The following OTX2 variants were observed in gnomAD, a reference collection of about 807,000 sequenced individuals.
OTX2 encodes orthodenticle homeobox 2, also known as homeobox protein OTX2.
In OTX2, 4 loss-of-function variants were observed where a neutral mutation model predicts 29.0. The observed-to-expected ratio is 0.14, with a 90% confidence interval of 0.07 to 0.32. The LOEUF (loss-of-function observed/expected upper bound fraction) is 0.32. OTX2 is among the 10% of genes least tolerant of loss of function. OTX2 has a pLI of 1.00. For missense variants in OTX2, 298 were observed against 365.9 expected (o/e 0.81, Z 1.51); for synonymous variants, 134 against 141.0 (o/e 0.95, Z 0.35).
At chr14:56,809,512 T>A (rs1234332758) in intron 2 of OTX2, among the ~76,000 whole-genome samples, 1 of 152,152 alleles carries the variant, frequency 6.6e-6, no homozygotes, top group Admixed American at 6.5e-5. Context: ...GAGCGAGCAG[T>A]GAGCGCCGGG....
chr14:56,805,812 TAA>T (rs397957887), intron 2 of OTX2: 675 of 111,706 alleles, frequency 6.0e-3, no homozygotes, highest in South Asian at 0.02. Context: ...ACCCTAAACT[TAA>T]AAAAAAAAAA....
chr14:56,805,316 G>C, intron 3 of OTX2, 44 bp downstream of exon 3: 1 of 1,293,042 alleles, frequency 7.7e-7, no homozygotes, highest in Non-Finnish European at 1.1e-6. Flanking sequence ...CCGGAGGGTG[G>C]GCATGGGGAA....
In OTX2 at chr14:56,801,623, G is replaced by C; in HGVS notation, c.*112C>G. On this transcript the variant is annotated 3_prime_UTR_variant, in exon 5 of 5. Coordinates refer to ENST00000672264, the MANE Select transcript of OTX2 (RefSeq NM_021728.4). This position sits in a 1 kb window ranked among gnomAD's most constrained non-coding sequence, Gnocchi z 4.2. The stretch of plus-strand genomic sequence containing the variant: ...TCTATGCCTCTCGGAACTTTGATCA[G>C]ATGAGTCTGAGCATCATCCCATCTA... 1.6e-6 allele frequency: 2 copies of C among 1,260,800 alleles called. No homozygotes were observed. Among genetic ancestry groups the C allele is most frequent in the South Asian group, 2.4e-5 (2 of 82,454 alleles). The allele number at this position is 1,260,800 out of a possible 1,614,324, so 78.1% of individuals were successfully genotyped here.
rs531459427 is a variant in OTX2, at chr14:56,800,336, G to C, written c.*1399C>G. On this transcript the variant is annotated 3_prime_UTR_variant, in exon 5 of 5. Transcript: ENST00000672264. ...AAGAGAATAGTAACAAGAAATTCTT[G>C]TCATTCTCATGTTTTCAGAGATACT... 4.0e-5 allele frequency: 6 copies of C among 151,772 alleles called. No homozygotes were observed. In the East Asian group the frequency reaches 1.2e-3, roughly 29 times the overall value. 9.4% of individuals were successfully genotyped at this position (151,772 alleles called of 1,614,324 possible).
chr14:56,806,093 T>A (rs767114839), intron 2 of OTX2, among the ~76,000 whole-genome samples: 38 of 152,170 alleles, frequency 2.5e-4, no homozygotes, highest in Non-Finnish European at 4.1e-4. Context: ...TGCCTTTCCA[T>A]GGCAGAGATT....
intron 2 of OTX2, among the ~76,000 whole-genome samples, chr14:56,809,545 C>A (rs529103595): frequency 5.8e-4 from 89 of 152,342 alleles, no homozygotes; most frequent in Non-Finnish European, 1.1e-3. Context: ...CCAGCGCTCC[C>A]AGCCTCCTCG....
intron 4 of OTX2, among the ~76,000 whole-genome samples, chr14:56,803,647 T>A (rs935487192): frequency 6.6e-6 from 1 of 152,154 alleles, no homozygotes; most frequent in Non-Finnish European, 1.5e-5. Flanking sequence ...TGTAGATATT[T>A]TATCTGTTAA....
At position 56,800,033 on chromosome 14, in the gene OTX2, T is replaced by G. The variant is rs375571389; in HGVS notation, c.*1702A>C. On this transcript the variant is annotated 3_prime_UTR_variant, in exon 5 of 5. Transcript: ENST00000672264. ...TTTTACCTGAGGAGCACCATGATCA[T>G]TGGCCCATTTGTCTTTTCTGGTGAC... 6.6e-6 allele frequency: 1 copy of G among 152,238 alleles called. No individual in the cohort carries two copies. Among genetic ancestry groups the G allele is most frequent in the East Asian group, 1.9e-4 (1 of 5,198 alleles). The allele number at this position is 152,238 out of a possible 1,614,324, so 9.4% of individuals were successfully genotyped here.
In OTX2 at chr14:56,801,825, C is replaced by T. The variant is rs1891888606; in HGVS notation, c.804G>A (p.Lys268=). 8 of 1,614,144 alleles carry T rather than the reference C, an allele frequency of 5.0e-6. No homozygotes were observed. Among genetic ancestry groups the T allele is most frequent in the Non-Finnish European group, 6.8e-6 (8 of 1,180,032 alleles). ...TAAGCTTCCAGGAGGCAGTTTGGTC[C>T]TTATAATCCAAGCAATCAGTGGTTG... The part of the protein sequence containing the change: ...FNSTTDCLDY[K]DQTASWKLNF... The change falls in exon 5 of 5, where the codon AAG becomes AAA. Residue 268 remains lysine, a synonymous_variant. Transcript: ENST00000672264. The surrounding 1 kb of genome is among the most constrained non-coding windows in gnomAD (Gnocchi z 4.2).
At position 56,800,632 on chromosome 14, in the gene OTX2, G is replaced by A. The variant is rs577803718; in HGVS notation, c.*1103C>T. 8.2e-4 allele frequency: 125 copies of A among 152,378 alleles called. No homozygotes were observed. Among genetic ancestry groups the A allele is most frequent in the African/African-American group, 2.8e-3 (115 of 41,500 alleles). 9.4% of individuals were successfully genotyped at this position (152,378 alleles called of 1,614,324 possible). On this transcript the variant is annotated 3_prime_UTR_variant, in exon 5 of 5. Coordinates refer to ENST00000672264, the MANE Select transcript of OTX2 (RefSeq NM_021728.4). ...ATTTACTCTCTGTCCTAAGAAAAAC[G>A]TGTTTTGGGGAGGAAAGGCTGAATG... is the stretch of plus-strand genomic sequence containing the variant.
chr14:56,802,054 C>A lies in OTX2; in HGVS notation c.575G>T (p.Gly192Val). 1 of 1,614,134 alleles carries A rather than the reference C, an allele frequency of 6.2e-7. No homozygotes were observed. The highest frequency in any genetic ancestry group is 8.5e-7 in the Non-Finnish European group (1 of 1,180,024). The change falls in exon 5 of 5, where the codon GGT becomes GTT. Residue 192 changes from glycine (G) to valine (V), a missense_variant. By Grantham distance (109) the Gly-to-Val change is moderately radical. Around this residue, in one of 3 missense-constraint regions of OTX2, gnomAD observed 219 missense variants for 223.5 expected, o/e 0.98. Transcript: ENST00000672264. This position sits in a 1 kb window ranked among gnomAD's most constrained non-coding sequence, Gnocchi z 4.4. ...TGAGCCAGCATATCCTTGACTATAACCTGAAGCCTGAGTATAGGTCATGGG... is the reference window on the plus strand; with the variant it reads ...TGAGCCAGCATATCCTTGACTATAAACTGAAGCCTGAGTATAGGTCATGGG... ...SYPMTYTQASGYSQGYAGSTS... is the reference protein window; with the variant it reads ...SYPMTYTQASVYSQGYAGSTS...
rs1030928449 is a variant in OTX2, at chr14:56,804,520, G to A, written c.98-157C>T. On this transcript the variant is annotated intron_variant, in intron 3 of 4. Coordinates refer to ENST00000672264, the MANE Select transcript of OTX2 (RefSeq NM_021728.4). This position sits in a 1 kb window ranked among gnomAD's most constrained non-coding sequence, Gnocchi z 4.1. ...CCGTCTCCCCAGCCTTGCTCCCCGG[G>A]GACCCAGGACACACGCTGCTTCTTT... 3.3e-5 allele frequency among the ~76,000 whole-genome samples: 5 copies of A among 151,728 alleles called. No individual in the cohort carries two copies. Among genetic ancestry groups the A allele is most frequent in the African/African-American group, 1.2e-4 (5 of 41,072 alleles).
intron 4 of OTX2, among the ~76,000 whole-genome samples, chr14:56,803,588 G>A (rs1891969936): frequency 6.6e-6 from 1 of 152,272 alleles, no homozygotes; most frequent in Admixed American, 6.5e-5. Context: ...TCCAGTTTAA[G>A]GTCAAGTTTA....
Position 56,804,071 on chromosome 14 carries a change from T to G in OTX2, c.273+117A>C, listed in dbSNP as rs535359403. On this transcript the variant is annotated intron_variant, in intron 4 of 4. Coordinates refer to ENST00000672264, the MANE Select transcript of OTX2 (RefSeq NM_021728.4). This position sits in a 1 kb window ranked among gnomAD's most constrained non-coding sequence, Gnocchi z 4.1. ...AATAGTTTCCTGGCCCCTTAGTGAGTGAAGGAGAATTTCAAGCCTTCCTTC... is the reference window on the plus strand; with the variant it reads ...AATAGTTTCCTGGCCCCTTAGTGAGGGAAGGAGAATTTCAAGCCTTCCTTC... 8.8e-5 allele frequency: 107 copies of G among 1,217,034 alleles called. No individual in the cohort carries two copies. In the African/African-American group the frequency reaches 1.5e-3, roughly 17 times the overall value. 75.4% of individuals were successfully genotyped at this position (1,217,034 alleles called of 1,614,324 possible).
chr14:56,803,812 T>A (rs1891977133), intron 4 of OTX2, among the ~76,000 whole-genome samples: 4 of 152,188 alleles, frequency 2.6e-5, no homozygotes, highest in Admixed American at 2.6e-4. Context: ...ATTTACTCTA[T>A]TTTTTCATCT....
chr14:56,803,726 A>G (rs553019817), intron 4 of OTX2, among the ~76,000 whole-genome samples: 1 of 152,278 alleles, frequency 6.6e-6, no homozygotes, highest in Non-Finnish European at 1.5e-5. Flanking sequence ...TTTTGTGTTG[A>G]TTTATTTGGT....
rs1245381513 is a variant in OTX2 at position 56,801,694 on chromosome 14, T to TA, written c.*40dup. 6.2e-7 allele frequency: 1 copy of TA among 1,604,864 alleles called. No individual in the cohort carries two copies. Among genetic ancestry groups the TA allele is most frequent in the Non-Finnish European group, 8.5e-7 (1 of 1,173,388 alleles). ...GCTAAAACTGGAATGTCCAGCCCAG[T>TA]ATATTTAAAAATCACCCACAAAAAG... On this transcript the variant is annotated 3_prime_UTR_variant, in exon 5 of 5. Transcript: ENST00000672264. The surrounding 1 kb of genome is among the most constrained non-coding windows in gnomAD (Gnocchi z 4.2).
chr14:56,809,096 G>T (rs1223785537), intron 2 of OTX2, among the ~76,000 whole-genome samples: 1 of 152,206 alleles, frequency 6.6e-6, no homozygotes, highest in East Asian at 1.9e-4. Context: ...AGCCTGGGAA[G>T]GGGGTGCGCG....
rs1024150913 is a variant in OTX2 at position 56,800,330 on chromosome 14, A to C, written c.*1405T>G. The C allele has an allele frequency of 6.6e-6, 1 of 152,128 alleles. No individual in the cohort carries two copies. Among genetic ancestry groups the C allele is most frequent in the Non-Finnish European group, 1.5e-5 (1 of 68,004 alleles). The allele number at this position is 152,128 out of a possible 1,614,324, so 9.4% of individuals were successfully genotyped here. A position where few individuals can be genotyped will look rare whatever the true frequency, so the allele number is the denominator to read the frequency against. ...TCAAATAAGAGAATAGTAACAAGAA[A>C]TTCTTGTCATTCTCATGTTTTCAGA... On this transcript the variant is annotated 3_prime_UTR_variant, in exon 5 of 5. Coordinates refer to ENST00000672264, the MANE Select transcript of OTX2 (RefSeq NM_021728.4).
Sources: gnomAD v4.1 joint callset for allele counts (sites outside exome capture counted in the v4.1 genomes callset) on GRCh38, gnomAD v4.1.1 for gene constraint, gnomAD v4.1.1 regional missense constraint, Gnocchi (gnomAD v3.1) non-coding constraint, MANE v1.5 for transcripts, NCBI Gene and HGNC (gene_info 2026-07-23, HGNC 2026-07-21) for gene names.